The following SHLD2 variants were observed in gnomAD, a reference collection of about 807,000 sequenced individuals.
SHLD2 encodes the protein RINN1-REV7-interacting novel NHEJ regulator 2.
In SHLD2, 30 loss-of-function variants were observed where a neutral mutation model predicts 73.2. The ratio of observed to expected loss-of-function variants is 0.41; its 90% CI spans 0.31 to 0.56. The LOEUF (loss-of-function observed/expected upper bound fraction) is 0.56. SHLD2 is among the 20% of genes least tolerant of loss of function. The pLI, the probability that SHLD2 is intolerant of heterozygous loss-of-function variation, is 0.28. For synonymous variants in SHLD2, 285 were observed against 370.1 expected, an observed-to-expected ratio of 0.77 and a Z score of 2.64; for missense variants, 745 against 1,055.9, an observed-to-expected ratio of 0.71 and a Z score of 4.08.
intron 2 of SHLD2, among the ~76,000 whole-genome samples, chr10:87,115,698 C>T (rs893470689): frequency 2.0e-5 from 3 of 152,032 alleles, no homozygotes; most frequent in African/African-American, 4.8e-5. Flanking sequence ...AAAATTGAGA[C>T]GACAGTTTGA....
upstream of SHLD2, chr10:87,094,833 C>T: frequency 1.5e-6 from 2 of 1,301,074 alleles, no homozygotes; most frequent in Non-Finnish European, 2.1e-6. This position sits in a 1 kb window ranked among gnomAD's most constrained non-coding sequence, Gnocchi z 6.6. Context: ...AGACTCCCCG[C>T]GACTAGGGAG....
chr10:87,134,597 C>CT (rs1166814080), intron 2 of SHLD2, among the ~76,000 whole-genome samples: 1 of 152,158 alleles, frequency 6.6e-6, no homozygotes, highest in Non-Finnish European at 1.5e-5. Context: ...CAGTGACGAA[C>CT]TGGCATAGAT....
At chr10:87,113,071 A>G (rs1433733166) in intron 2 of SHLD2, among the ~76,000 whole-genome samples, 1 of 152,180 alleles carries the variant, frequency 6.6e-6, no homozygotes, top group Non-Finnish European at 1.5e-5. Context: ...CACACCTGAA[A>G]TCCCAGCACT....
At chr10:87,104,502 C>G (rs1842471463) in intron 2 of SHLD2, among the ~76,000 whole-genome samples, 1 of 148,868 alleles carries the variant, frequency 6.7e-6, no homozygotes, top group African/African-American at 2.5e-5. Flanking sequence ...CCACTGCACT[C>G]TAGCTTGGGT....
chr10:87,188,427 C>T (rs1848768095), intron 9 of SHLD2, among the ~76,000 whole-genome samples: 1 of 152,098 alleles, frequency 6.6e-6, no homozygotes, highest in Non-Finnish European at 1.5e-5. Context: ...GTCCCTCCTC[C>T]AGCAGTTGAA....
chr10:87,174,165 A>AAAACAACCAGAGTCCCTCAAAATAGAGGT (rs1346533175), intron 6 of SHLD2, among the ~76,000 whole-genome samples: 2 of 151,672 alleles, frequency 1.3e-5, no homozygotes, highest in African/African-American at 4.8e-5. Context: ...TGAAAAATAA[A>AAAACAACCAGAGTCCCTCAAAATAGAGGT]AAACAACCAG....
At position 87,151,754 on chromosome 10, in the gene SHLD2, G is replaced by T. The variant is rs143725514; in HGVS notation, c.400G>T (p.Glu134Ter). The T allele has an allele frequency of 1.2e-6, 2 of 1,611,758 alleles. No homozygotes were observed. The highest frequency in any genetic ancestry group is 1.7e-6 in the Non-Finnish European group (2 of 1,179,834). ...TAAAAGCACAGTTCCGCATTTCACCGAAGAAGAAAAGTATCAAAAGCTTCT... is the reference window on the plus strand; with the variant it reads ...TAAAAGCACAGTTCCGCATTTCACCTAAGAAGAAAAGTATCAAAAGCTTCT... ...GFKSTVPHFT[E>*]EEKYQKLLSE... Residue 134 changes from glutamate (E) to a stop codon, truncating the protein, a stop_gained, in exon 3 of 10, where the codon GAA becomes TAA. Coordinates refer to ENST00000298786, the MANE Select transcript of SHLD2 (RefSeq NM_001330112.2). LOFTEE classifies it high-confidence loss of function.
At position 87,186,356 on chromosome 10, in the gene SHLD2, A is replaced by T. The variant is rs374848788; in HGVS notation, c.2400-729A>T. 1.5e-4 allele frequency among the ~76,000 whole-genome samples: 23 copies of T among 152,376 alleles called. No individual in the cohort carries two copies. In the East Asian group the frequency reaches 4.0e-3, roughly 27 times the overall value. On this transcript the variant is annotated intron_variant, in intron 8 of 9. Coordinates refer to ENST00000298786, the MANE Select transcript of SHLD2 (RefSeq NM_001330112.2). ...TCAATGTAGTTATAAAATAGGTACC[A>T]CATGCCATGATTAAAATGCACACTA...
chr10:87,147,765 C>A (rs952002028), intron 2 of SHLD2, among the ~76,000 whole-genome samples: 2 of 152,032 alleles, frequency 1.3e-5, no homozygotes, highest in African/African-American at 4.8e-5. Context: ...TAAGAGCCTA[C>A]GAAAAATGCA....
intron 2 of SHLD2, chr10:87,115,350 A>G (rs1843184665): frequency 6.6e-6 from 1 of 152,094 alleles, no homozygotes; most frequent in Non-Finnish European, 1.5e-5. Context: ...TGAGCCCAGC[A>G]TAAGTCATAT....
intron 2 of SHLD2, among the ~76,000 whole-genome samples, chr10:87,137,977 C>A (rs1167043011): frequency 6.6e-6 from 1 of 151,934 alleles, no homozygotes; most frequent in East Asian, 1.9e-4. Context: ...TCGAGTCCAG[C>A]CTGGGTAAAG....
rs1842477155 is a variant in SHLD2 at position 87,104,556 on chromosome 10, T to C, written c.-6+7567T>C. ...TCTCAGAAAAAAAAAAAAAATTAAC[T>C]GTGCTTATAAATGGGAGCTAAATTA... On this transcript the variant is annotated intron_variant, in intron 2 of 9. Coordinates refer to ENST00000298786, the MANE Select transcript of SHLD2 (RefSeq NM_001330112.2). 2.0e-5 allele frequency among the ~76,000 whole-genome samples: 3 copies of C among 150,862 alleles called. No homozygotes were observed. In the South Asian group the frequency reaches 6.3e-4, roughly 32 times the overall value.
At position 87,155,365 on chromosome 10, in the gene SHLD2, C is replaced by T. The variant is rs553550945; in HGVS notation, c.1525+2486C>T. Among the ~76,000 whole-genome samples the T allele has an allele frequency of 5.3e-3, 808 of 151,440 alleles. 6 individuals carry two copies. Among genetic ancestry groups the T allele is most frequent in the African/African-American group, 0.018 (756 of 41,390 alleles). On this transcript the variant is annotated intron_variant, in intron 3 of 9. Coordinates refer to ENST00000298786, the MANE Select transcript of SHLD2 (RefSeq NM_001330112.2). ...ATTATTGGAGATTCAATTCACCTAA[C>T]TCCCTCTGTTCTGATTCAGTGCTTG...
At chr10:87,096,133 C>T (rs1841855843) in intron 1 of SHLD2, among the ~76,000 whole-genome samples, 1 of 152,030 alleles carries the variant, frequency 6.6e-6, no homozygotes, top group Non-Finnish European at 1.5e-5. Flanking sequence ...TTCCACCTCC[C>T]TGGGTTCGTT....
chr10:87,190,415 C>T, intron 9 of SHLD2, 69 bp from the exon 10 acceptor site: 1 of 1,250,272 alleles, frequency 8.0e-7, no homozygotes, highest in Non-Finnish European at 1.2e-6. Context: ...AACAATGAAA[C>T]CATTCAATGT....
chr10:87,131,497 CATA>C (rs1487915155), intron 2 of SHLD2, among the ~76,000 whole-genome samples: 1 of 152,014 alleles, frequency 6.6e-6, no homozygotes, highest in Non-Finnish European at 1.5e-5. Context: ...TTTCATTTAC[CATA>C]ATATTTTTGT....
At chr10:87,180,436 G>C in intron 8 of SHLD2, 133 bp downstream of exon 8, 1 of 1,224,006 alleles carries the variant, frequency 8.2e-7, no homozygotes, top group South Asian at 1.5e-5. Context: ...CCGAGTGATA[G>C]ATAGCTATTT....
intron 2 of SHLD2, among the ~76,000 whole-genome samples, chr10:87,139,698 T>G (rs994994383): frequency 7.9e-5 from 12 of 152,066 alleles, no homozygotes; most frequent in Non-Finnish European, 1.6e-4. Flanking sequence ...TGTGGTGGGA[T>G]GTGCCTGTAA....
At chr10:87,122,085 C>T (rs1420977428) in intron 2 of SHLD2, among the ~76,000 whole-genome samples, 1 of 146,650 alleles carries the variant, frequency 6.8e-6, no homozygotes, top group Non-Finnish European at 1.5e-5. Flanking sequence ...TTTTCTATTG[C>T]ATTTGAGGTA....
Sources: allele counts gnomAD v4.1 joint callset (sites outside exome capture counted in the v4.1 genomes callset), GRCh38; gene constraint gnomAD v4.1.1; non-coding constraint Gnocchi (gnomAD v3.1); transcripts MANE v1.5; gene names NCBI Gene and HGNC (gene_info 2026-07-23, HGNC 2026-07-21).